The following KHDRBS2 variants were observed in gnomAD, a reference collection of about 807,000 sequenced individuals.
KHDRBS2 encodes the protein KH RNA binding domain containing, signal transduction associated 2, also known as KH domain-containing, RNA-binding, signal transduction-associated protein 2.
In KHDRBS2, 26 loss-of-function variants were observed where a neutral mutation model predicts 44.3. The observed-to-expected ratio is 0.59, with a 90% CI of 0.43 to 0.81. The LOEUF is 0.81. Ranked by LOEUF, KHDRBS2 falls within the 40% of genes least tolerant of loss-of-function variation. The pLI, the probability that KHDRBS2 is intolerant of heterozygous loss-of-function variation, is 0.00. For missense variants in KHDRBS2, 476 were observed against 433.1 expected (o/e 1.10, Z -0.88); for synonymous variants, 194 against 151.1 (o/e 1.28, Z -2.08).
the KHDRBS2 span, among the ~76,000 whole-genome samples, chr6:61,571,813 A>G: frequency 2.6e-5 from 4 of 152,122 alleles, no homozygotes; most frequent in Non-Finnish European, 4.4e-5. Context: ...CATACATTGT[A>G]CAAAAGCAGT....
chr6:61,854,343 T>C (rs962064850), intron 6 of KHDRBS2, among the ~76,000 whole-genome samples: 3 of 152,138 alleles, frequency 2.0e-5, no homozygotes, highest in African/African-American at 7.2e-5. Context: ...TTGCTCATAA[T>C]AGAGCAAAAT....
At chr6:61,661,703 C>T in the KHDRBS2 span, among the ~76,000 whole-genome samples, 1 of 151,714 alleles carries the variant, frequency 6.6e-6, no homozygotes, top group Non-Finnish European at 1.5e-5. Context: ...ACATGAAGGA[C>T]CTCTTCAAGG....
chr6:61,688,414 G>A (rs922847914), intron 8 of KHDRBS2, among the ~76,000 whole-genome samples: 1 of 151,842 alleles, frequency 6.6e-6, no homozygotes. Flanking sequence ...GAGGCTTTTT[G>A]AAATGCACAT....
intron 6 of KHDRBS2, among the ~76,000 whole-genome samples, chr6:61,751,420 G>C (rs1777675369): frequency 6.6e-6 from 1 of 152,152 alleles, no homozygotes; most frequent in Non-Finnish European, 1.5e-5. Flanking sequence ...TTCCTCAGGG[G>C]TCACACACAG....
chr6:62,078,388 G>A (rs1796743981), intron 2 of KHDRBS2, among the ~76,000 whole-genome samples: 1 of 151,802 alleles, frequency 6.6e-6, no homozygotes. Flanking sequence ...TTATCAGAGA[G>A]GATAACATGT....
intron 1 of KHDRBS2, among the ~76,000 whole-genome samples, chr6:62,250,886 T>C (rs1490478178): frequency 1.3e-5 from 2 of 151,828 alleles, no homozygotes; most frequent in African/African-American, 2.4e-5. Flanking sequence ...TTATAGAAAA[T>C]GTTTTAGATA....
At chr6:61,817,645 C>T (rs1311166185) in intron 6 of KHDRBS2, among the ~76,000 whole-genome samples, 4 of 151,962 alleles carry the variant, frequency 2.6e-5, no homozygotes, top group Non-Finnish European at 2.9e-5. Flanking sequence ...ACCATTATGG[C>T]TTTGGATATT....
At chr6:61,713,941 C>T (rs2127552043) in intron 7 of KHDRBS2, among the ~76,000 whole-genome samples, 1 of 151,816 alleles carries the variant, frequency 6.6e-6, no homozygotes, top group South Asian at 2.1e-4. Flanking sequence ...TATAAAAGCA[C>T]TAGAAAAAAA....
intron 2 of KHDRBS2, among the ~76,000 whole-genome samples, chr6:62,082,903 C>T (rs771039698): frequency 2.0e-5 from 3 of 152,064 alleles, no homozygotes; most frequent in Admixed American, 6.6e-5. Context: ...GAGATACCCC[C>T]GGAATCCACT....
Position 61,945,135 on chromosome 6 carries a change from A to G in KHDRBS2, c.483+32931T>C, listed in dbSNP as rs1370217461. Among the ~76,000 whole-genome samples, 154 of 102,978 alleles carry G rather than the reference A, an allele frequency of 1.5e-3. 16 individuals are homozygous for G. The highest frequency in any genetic ancestry group is 4.7e-3 in the African/African-American group (130 of 27,866). 67.6% of individuals were successfully genotyped at this position (102,978 alleles called of 152,430 possible). The stretch of plus-strand genomic sequence containing the variant: ...AAAGTATATATATATATATATATAT[A>G]TATATATATATATATACACACAGAC... On this transcript the variant is annotated intron_variant, in intron 4 of 8. Coordinates refer to ENST00000281156, the MANE Select transcript of KHDRBS2 (RefSeq NM_152688.4).
Position 61,797,725 on chromosome 6 carries a change from T to TTGTG in KHDRBS2, c.811-64965_811-64962dup, listed in dbSNP as rs56038952. On this transcript the variant is annotated intron_variant, in intron 6 of 8. Transcript: ENST00000281156. ...ACTGATACTGTGTCAGTATGGTGTT[T>TTGTG]TGTGTGTGTGTGTGTGTGTGTGTGT... is the stretch of plus-strand genomic sequence containing the variant. Among the ~76,000 whole-genome samples, 463 of 114,818 alleles carry TTGTG rather than the reference T, an allele frequency of 4.0e-3. 3 individuals are homozygous for TTGTG. The highest frequency in any genetic ancestry group is 0.014 in the Middle Eastern group (3 of 208). 75.3% of individuals were successfully genotyped at this position (114,818 alleles called of 152,430 possible).
intron 1 of KHDRBS2, among the ~76,000 whole-genome samples, chr6:62,253,484 C>T (rs564315160): frequency 3.4e-4 from 51 of 151,780 alleles, no homozygotes; most frequent in Non-Finnish European, 6.5e-4. Context: ...CCCCTGCAAC[C>T]CTGCCTCCTC....
chr6:61,571,375 T>C, the KHDRBS2 span, among the ~76,000 whole-genome samples: 1 of 151,998 alleles, frequency 6.6e-6, no homozygotes, highest in African/African-American at 2.4e-5. Flanking sequence ...AAGATCACAA[T>C]CTAAATATAT....
intron 6 of KHDRBS2, among the ~76,000 whole-genome samples, chr6:61,751,868 C>A (rs1189616156): frequency 1.3e-5 from 2 of 150,440 alleles, no homozygotes; most frequent in Non-Finnish European, 2.9e-5. Context: ...TCTTCTGAGA[C>A]CTCTCTCCTC....
At chr6:62,281,712 T>G (rs1252683782) in intron 1 of KHDRBS2, among the ~76,000 whole-genome samples, 2 of 152,212 alleles carry the variant, frequency 1.3e-5, no homozygotes, top group Non-Finnish European at 2.9e-5. Flanking sequence ...TTTTTGTTTT[T>G]GTTTTTTCAT....
At chr6:62,122,527 G>A (rs1211730183) in intron 2 of KHDRBS2, among the ~76,000 whole-genome samples, 1 of 152,102 alleles carries the variant, frequency 6.6e-6, no homozygotes, top group African/African-American at 2.4e-5. Flanking sequence ...GAAACAAGTG[G>A]GTTTCATGAG....
the KHDRBS2 span, among the ~76,000 whole-genome samples, chr6:61,576,721 G>T: frequency 3.3e-5 from 5 of 152,078 alleles, no homozygotes; most frequent in African/African-American, 1.2e-4. Flanking sequence ...TTTAACTCAA[G>T]ACTATCCCTG....
In KHDRBS2 at chr6:61,955,346, A is replaced by G. The variant is rs569175686; in HGVS notation, c.483+22720T>C. ...CGTGTATATATACACATATGTATGT[A>G]TACATATATATGTATACATATACGT... On this transcript the variant is annotated intron_variant, in intron 4 of 8. Coordinates refer to ENST00000281156, the MANE Select transcript of KHDRBS2 (RefSeq NM_152688.4). 2.6e-5 allele frequency among the ~76,000 whole-genome samples: 3 copies of G among 115,506 alleles called. No individual in the cohort carries two copies. In the South Asian group the frequency reaches 8.9e-4, roughly 34 times the overall value. 75.8% of individuals were successfully genotyped at this position (115,506 alleles called of 152,430 possible).
intron 4 of KHDRBS2, among the ~76,000 whole-genome samples, chr6:61,906,167 C>T (rs1407151770): frequency 2.0e-5 from 3 of 152,002 alleles, no homozygotes; most frequent in Admixed American, 6.6e-5. Context: ...TTAAAACGTC[C>T]AAATCTAGGG....
Sources: gnomAD v4.1 joint callset for allele counts (sites outside exome capture counted in the v4.1 genomes callset) on GRCh38, gnomAD v4.1.1 for gene constraint, MANE v1.5 for transcripts, NCBI Gene and HGNC (gene_info 2026-07-23, HGNC 2026-07-21) for gene names.